PHACTR1: variants seen among roughly 807,000 people sequenced by gnomAD.
PHACTR1 encodes RPEL repeat containing 1.
PHACTR1 carries 16 observed loss-of-function variants against 69.2 expected under a neutral mutation model. That is an observed-to-expected ratio of 0.23 (90% CI 0.16 to 0.35). The LOEUF (loss-of-function observed/expected upper bound fraction) is 0.35. Ranked by LOEUF, PHACTR1 falls within the 10% of genes least tolerant of loss-of-function variation. PHACTR1 has a pLI of 1.00. For missense variants in PHACTR1, 510 were observed against 734.7 expected, an observed-to-expected ratio of 0.69 and a Z score of 3.54; for synonymous variants, 312 against 284.5, an observed-to-expected ratio of 1.10 and a Z score of -0.97.
At chr6:13,240,383 G>GA (rs34057887) in intron 10 of PHACTR1, among the ~76,000 whole-genome samples, 23,863 of 152,086 alleles carry the variant, frequency 0.16, 2,948 homozygotes, top group African/African-American at 0.32. Context: ...GCAGAAGGCA[G>GA]AAGAAAGGCT....
chr6:12,813,604 A>G (rs1192343999), intron 4 of PHACTR1, among the ~76,000 whole-genome samples: 1 of 152,190 alleles, frequency 6.6e-6, no homozygotes. Context: ...CCAGCCCCTT[A>G]GCAAAGGCTC....
chr6:12,944,951 T>C (rs1790510082), intron 4 of PHACTR1, among the ~76,000 whole-genome samples: 1 of 151,718 alleles, frequency 6.6e-6, no homozygotes, highest in Admixed American at 6.6e-5. Context: ...CCTGGCTAAT[T>C]TTTTGTATTT....
intron 4 of PHACTR1, among the ~76,000 whole-genome samples, chr6:12,773,568 A>T (rs1769659649): frequency 6.6e-6 from 1 of 152,182 alleles, no homozygotes; most frequent in African/African-American, 2.4e-5. Context: ...ATCCCCAATA[A>T]TCATATGTAA....
intron 4 of PHACTR1, among the ~76,000 whole-genome samples, chr6:12,928,346 A>G (rs9357522): frequency 0.17 from 26,256 of 151,966 alleles, 5,233 homozygotes; most frequent in African/African-American, 0.49. Flanking sequence ...ACCCCTCAAA[A>G]TGCCCGGCAC....
chr6:13,213,512 A>T (rs1256668962), intron 8 of PHACTR1, among the ~76,000 whole-genome samples: 1 of 152,140 alleles, frequency 6.6e-6, no homozygotes, highest in Non-Finnish European at 1.5e-5. Flanking sequence ...TTTAATGTGG[A>T]TGGGAACCAT....
chr6:13,138,061 T>C (rs575573369), intron 5 of PHACTR1, among the ~76,000 whole-genome samples: 1 of 152,300 alleles, frequency 6.6e-6, no homozygotes, highest in South Asian at 2.1e-4. Context: ...GAGACCCCAG[T>C]GTATACTGAG....
chr6:13,102,536 A>T (rs1815340778), intron 5 of PHACTR1, among the ~76,000 whole-genome samples: 1 of 152,194 alleles, frequency 6.6e-6, no homozygotes, highest in Non-Finnish European at 1.5e-5. Flanking sequence ...ATTCACAGCA[A>T]TTCCACTATG....
chr6:12,833,502 G>GC (rs1288634576), intron 4 of PHACTR1, among the ~76,000 whole-genome samples: 1 of 151,984 alleles, frequency 6.6e-6, no homozygotes, highest in East Asian at 1.9e-4. Flanking sequence ...CAGGTGATCT[G>GC]CCCGCCTCAG....
chr6:12,914,485 G>A (rs1013609188), intron 4 of PHACTR1, among the ~76,000 whole-genome samples: 2 of 152,238 alleles, frequency 1.3e-5, no homozygotes, highest in South Asian at 4.1e-4. Context: ...CTATAGATGC[G>A]CTGAAGACAT....
intron 4 of PHACTR1, chr6:12,933,866 C>T: frequency 6.2e-7 from 1 of 1,612,554 alleles, no homozygotes; most frequent in Non-Finnish European, 8.5e-7. Context: ...GGTTTGGCTG[C>T]CTTTAGAGGG....
At chr6:12,933,963 T>G in intron 4 of PHACTR1, 1 of 1,574,102 alleles carries the variant, frequency 6.4e-7, no homozygotes, top group Non-Finnish European at 8.6e-7. Flanking sequence ...TTTCCTAGAG[T>G]TGCTGTAACA....
rs12528966 is a variant in PHACTR1, at chr6:13,239,353, G to C, written c.1391+9160G>C. On this transcript the variant is annotated intron_variant, in intron 10 of 14. Transcript: ENST00000332995. ...CTTCGTGTAGCTAAGCTGCTTTCAG[G>C]TAATTTGACATCTTTTATGAACTCA... Among the ~76,000 whole-genome samples, 3 of 152,220 alleles carry C rather than the reference G, an allele frequency of 2.0e-5. No homozygotes were observed. The East Asian group carries it at 5.8e-4, about 29-fold the overall frequency.
At chr6:12,997,156 A>G (rs966187377) in intron 4 of PHACTR1, among the ~76,000 whole-genome samples, 2 of 151,604 alleles carry the variant, frequency 1.3e-5, no homozygotes, top group African/African-American at 4.8e-5. Flanking sequence ...AGCAAGAGCG[A>G]AATTCCATCT....
chr6:13,182,164 C>T (rs1278978285), intron 6 of PHACTR1, among the ~76,000 whole-genome samples: 3 of 152,026 alleles, frequency 2.0e-5, no homozygotes, highest in Non-Finnish European at 2.9e-5. Flanking sequence ...ACCCGGGAGG[C>T]GGATGTTGTG....
intron 10 of PHACTR1, among the ~76,000 whole-genome samples, chr6:13,268,791 A>G (rs1458628349): frequency 6.6e-6 from 1 of 152,240 alleles, no homozygotes; most frequent in African/African-American, 2.4e-5. Flanking sequence ...ACTATAGCAC[A>G]GGCCCTTCTG....
intron 6 of PHACTR1, among the ~76,000 whole-genome samples, chr6:13,173,329 G>T (rs776739263): frequency 6.6e-5 from 10 of 152,094 alleles, no homozygotes; most frequent in Non-Finnish European, 1.3e-4. Flanking sequence ...AGCATCAAAT[G>T]ATAGTCACAC....
intron 4 of PHACTR1, among the ~76,000 whole-genome samples, chr6:12,934,801 A>C (rs182566789): frequency 1.3e-5 from 2 of 151,382 alleles, no homozygotes; most frequent in African/African-American, 4.9e-5. Context: ...ATGCCACTAC[A>C]CTCCAGTCTA....
Position 12,967,410 on chromosome 6 carries a change from A to G in PHACTR1, c.251-85955A>G, listed in dbSNP as rs908788449. 3.9e-5 allele frequency among the ~76,000 whole-genome samples: 6 copies of G among 152,234 alleles called. No homozygotes were observed. In the East Asian group the frequency reaches 1.2e-3, roughly 29 times the overall value. On this transcript the variant is annotated intron_variant, in intron 4 of 14. Transcript: ENST00000332995. The stretch of plus-strand genomic sequence containing the variant: ...AAGTAAGCTTGAATCTTTGTAGGTA[A>G]GTGGAAAAGAGTTCTCCTACAAGGG...
chr6:12,854,001 C>A (rs1456565406), intron 4 of PHACTR1, among the ~76,000 whole-genome samples: 1 of 152,118 alleles, frequency 6.6e-6, no homozygotes, highest in East Asian at 1.9e-4. Flanking sequence ...GAAACAAAGA[C>A]ATATAGGCGT....
Sources: gnomAD v4.1 joint callset for allele counts (sites outside exome capture counted in the v4.1 genomes callset) on GRCh38, gnomAD v4.1.1 for gene constraint, MANE v1.5 for transcripts, NCBI Gene and HGNC (gene_info 2026-07-23, HGNC 2026-07-21) for gene names.